The following LRRTM4 variants were observed in gnomAD, a reference collection of about 807,000 sequenced individuals.
LRRTM4 encodes the protein leucine-rich repeat transmembrane neuronal protein 4.
In LRRTM4, 25 loss-of-function variants were observed where a neutral mutation model predicts 47.6. That is an observed-to-expected ratio of 0.53 (90% confidence interval 0.38 to 0.73). The LOEUF (loss-of-function observed/expected upper bound fraction) is 0.73. Ranked by LOEUF, LRRTM4 falls within the 30% of genes least tolerant of loss-of-function variation. The pLI, the probability that LRRTM4 is intolerant of heterozygous loss-of-function variation, is 0.00. For missense variants in LRRTM4, 638 were observed against 713.4 expected, an observed-to-expected ratio of 0.89 and a Z score of 1.20; for synonymous variants, 311 against 269.5, an observed-to-expected ratio of 1.15 and a Z score of -1.51.
At chr2:77,117,736 T>C (rs964529618) in intron 3 of LRRTM4, among the ~76,000 whole-genome samples, 5 of 152,110 alleles carry the variant, frequency 3.3e-5, no homozygotes, top group African/African-American at 1.2e-4. Flanking sequence ...CAAATATATA[T>C]GGACAGCTTT....
intron 3 of LRRTM4, among the ~76,000 whole-genome samples, chr2:76,891,539 AAT>A (rs1673254633): frequency 6.6e-6 from 1 of 151,756 alleles, no homozygotes; most frequent in Admixed American, 6.6e-5. Flanking sequence ...TACTAGATAA[AAT>A]AGTTTAAAAT....
chr2:76,991,887 C>T (rs561449964), intron 3 of LRRTM4, among the ~76,000 whole-genome samples: 3 of 151,584 alleles, frequency 2.0e-5, no homozygotes, highest in South Asian at 2.1e-4. Context: ...AAATCATCAA[C>T]AAAATATTAG....
chr2:76,902,933 C>G (rs112230596), intron 3 of LRRTM4, among the ~76,000 whole-genome samples: 2 of 152,150 alleles, frequency 1.3e-5, no homozygotes, highest in Non-Finnish European at 2.9e-5. Context: ...TCCAGGGACT[C>G]TGAGTAACTT....
intron 3 of LRRTM4, among the ~76,000 whole-genome samples, chr2:76,958,225 C>T (rs1237054320): frequency 1.3e-5 from 2 of 151,704 alleles, no homozygotes; most frequent in Admixed American, 1.3e-4. Context: ...CATAATAATG[C>T]CAAATTTACT....
chr2:77,198,375 A>G (rs1673885167), intron 3 of LRRTM4, among the ~76,000 whole-genome samples: 1 of 152,206 alleles, frequency 6.6e-6, no homozygotes, highest in South Asian at 2.1e-4. Flanking sequence ...AGATCTAGAC[A>G]TTGGGAAGCA....
chr2:76,961,766 G>A (rs983473713), intron 3 of LRRTM4, among the ~76,000 whole-genome samples: 48 of 151,162 alleles, frequency 3.2e-4, no homozygotes, highest in African/African-American at 1.1e-3. Context: ...TATTTCCCAG[G>A]CTCTAGGTGA....
chr2:77,157,952 G>C (rs1391082745), intron 3 of LRRTM4, among the ~76,000 whole-genome samples: 1 of 152,058 alleles, frequency 6.6e-6, no homozygotes, highest in African/African-American at 2.4e-5. Context: ...GAAAGGGATG[G>C]GTGGGAGAGA....
At chr2:77,361,638 T>A (rs1255117480) in intron 3 of LRRTM4, among the ~76,000 whole-genome samples, 1 of 152,204 alleles carries the variant, frequency 6.6e-6, no homozygotes, top group African/African-American at 2.4e-5. Context: ...TAACTATGCC[T>A]GGTATAAACT....
intron 3 of LRRTM4, among the ~76,000 whole-genome samples, chr2:76,754,663 T>C (rs148493120): frequency 6.6e-6 from 1 of 152,194 alleles, no homozygotes; most frequent in Admixed American, 6.5e-5. Context: ...GCTACAGTTA[T>C]TTCTAGCACC....
At chr2:77,200,971 C>T (rs1479646983) in intron 3 of LRRTM4, among the ~76,000 whole-genome samples, 1 of 152,084 alleles carries the variant, frequency 6.6e-6, no homozygotes, top group African/African-American at 2.4e-5. Context: ...GAATAGAAAA[C>T]CTGCGGCAAA....
At chr2:76,898,100 C>T (rs886110821) in intron 3 of LRRTM4, among the ~76,000 whole-genome samples, 1 of 152,100 alleles carries the variant, frequency 6.6e-6, no homozygotes, top group Non-Finnish European at 1.5e-5. Context: ...GAGTGGTAAG[C>T]CATCTACTGA....
chr2:76,784,392 T>C (rs1024649244), intron 3 of LRRTM4, among the ~76,000 whole-genome samples: 12 of 152,072 alleles, frequency 7.9e-5, no homozygotes, highest in African/African-American at 2.2e-4. Context: ...GGCATACATA[T>C]GGACTCTAAT....
At chr2:77,153,802 G>T (rs1003718478) in intron 3 of LRRTM4, among the ~76,000 whole-genome samples, 2 of 152,116 alleles carry the variant, frequency 1.3e-5, no homozygotes, top group Admixed American at 6.6e-5. Context: ...GCACTGTGAA[G>T]CCTTGTCAGG....
chr2:77,275,667 C>T (rs1412243813), intron 3 of LRRTM4, among the ~76,000 whole-genome samples: 1 of 152,066 alleles, frequency 6.6e-6, no homozygotes, highest in Admixed American at 6.6e-5. Context: ...GCGATGTGTT[C>T]CTCTTCTGCT....
chr2:76,787,146 A>G (rs1343556649), intron 3 of LRRTM4, among the ~76,000 whole-genome samples: 1 of 152,104 alleles, frequency 6.6e-6, no homozygotes, highest in Non-Finnish European at 1.5e-5. Flanking sequence ...TAAAGGAAAG[A>G]GTAATCTGTT....
intron 3 of LRRTM4, among the ~76,000 whole-genome samples, chr2:76,795,453 T>G (rs1675234843): frequency 6.6e-6 from 1 of 152,172 alleles, no homozygotes; most frequent in Non-Finnish European, 1.5e-5. Context: ...AACATTGTAA[T>G]GACTATATAC....
chr2:76,874,845 T>C (rs1672734097), intron 3 of LRRTM4, among the ~76,000 whole-genome samples: 1 of 152,116 alleles, frequency 6.6e-6, no homozygotes, highest in Admixed American at 6.6e-5. Context: ...TCTTAAACTT[T>C]GCTTATTTGA....
chr2:77,315,676 A>T (rs1010419414), intron 3 of LRRTM4, among the ~76,000 whole-genome samples: 1 of 152,042 alleles, frequency 6.6e-6, no homozygotes, highest in African/African-American at 2.4e-5. Flanking sequence ...GGGTGGTAAG[A>T]GCAATATAAT....
chr2:76,793,820 A>G (rs1212830577), intron 3 of LRRTM4, among the ~76,000 whole-genome samples: 1 of 152,214 alleles, frequency 6.6e-6, no homozygotes, highest in East Asian at 1.9e-4. Context: ...CAGACCTCTG[A>G]GAAACAAACA....
Sources: allele counts gnomAD v4.1 joint callset (sites outside exome capture counted in the v4.1 genomes callset), GRCh38; gene constraint gnomAD v4.1.1; transcripts MANE v1.5; gene names NCBI Gene and HGNC (gene_info 2026-07-23, HGNC 2026-07-21).